NCAM2: variants seen among roughly 807,000 people sequenced by gnomAD.
NCAM2 encodes N-CAM-2.
NCAM2 carries 30 observed loss-of-function variants against 98.1 expected under a neutral mutation model. The ratio of observed to expected loss-of-function variants is 0.31; its 90% CI spans 0.23 to 0.41. NCAM2 has a LOEUF of 0.41. NCAM2 is among the 10% of genes least tolerant of loss of function. The probability of loss-of-function intolerance (pLI) is 1.00; values close to 1 mark genes in which losing one functional copy is unlikely to be tolerated. For synonymous variants in NCAM2, 368 were observed against 342.4 expected, an observed-to-expected ratio of 1.07 and a Z score of -0.83; for missense variants, 867 against 1,005.8, an observed-to-expected ratio of 0.86 and a Z score of 1.87.
intron 1 of NCAM2, among the ~76,000 whole-genome samples, chr21:21,106,529 C>T (rs2066353307): frequency 6.6e-6 from 1 of 151,664 alleles, no homozygotes; most frequent in African/African-American, 2.4e-5. Flanking sequence ...AGAAATATTA[C>T]AAAGTTAATT....
chr21:21,248,665 T>A (rs1601760058), intron 1 of NCAM2, among the ~76,000 whole-genome samples: 1 of 151,268 alleles, frequency 6.6e-6, no homozygotes, highest in Non-Finnish European at 1.5e-5. Flanking sequence ...TAGTCCCAGC[T>A]ACTAGTGAGG....
At chr21:21,228,963 A>G (rs769606165) in intron 1 of NCAM2, among the ~76,000 whole-genome samples, 1 of 151,450 alleles carries the variant, frequency 6.6e-6, no homozygotes, top group Non-Finnish European at 1.5e-5. Context: ...TAATTTCTAA[A>G]TTATATCTAG....
intron 8 of NCAM2, among the ~76,000 whole-genome samples, chr21:21,360,844 C>T (rs368533907): frequency 1.3e-5 from 2 of 152,062 alleles, no homozygotes; most frequent in African/African-American, 2.4e-5. Context: ...CAGAACATAA[C>T]GTAAATTCTT....
rs1319901446 is a variant in NCAM2 at position 21,104,659 on chromosome 21, A to AAATAG, written c.55+106044_55+106048dup. ...CAAGAATGAGCTTGGAATATGCAAGAAATAGAAAGAAGGGCCTGTCGGTGG... is the reference window on the plus strand; with the variant it reads ...CAAGAATGAGCTTGGAATATGCAAGAAATAGAATAGAAAGAAGGGCCTGTCGGTGG... On this transcript the variant is annotated intron_variant, in intron 1 of 17. Transcript: ENST00000400546. Among the ~76,000 whole-genome samples the AAATAG allele has an allele frequency of 2.0e-5, 3 of 152,248 alleles. No homozygotes were observed. In the East Asian group the frequency reaches 5.8e-4, roughly 29 times the overall value.
intron 1 of NCAM2, among the ~76,000 whole-genome samples, chr21:21,164,376 G>T (rs1289302697): frequency 6.6e-6 from 1 of 152,134 alleles, no homozygotes; most frequent in East Asian, 1.9e-4. Flanking sequence ...GATTTGCAAA[G>T]AAGTTGAAAA....
intron 5 of NCAM2, among the ~76,000 whole-genome samples, chr21:21,294,075 G>A (rs540568814): frequency 4.9e-4 from 74 of 151,536 alleles, no homozygotes; most frequent in Non-Finnish European, 9.1e-4. Context: ...ACTTTAATAT[G>A]TGGTTGGTGC....
chr21:21,359,630 A>T (rs971257126), intron 8 of NCAM2, among the ~76,000 whole-genome samples: 11 of 151,920 alleles, frequency 7.2e-5, no homozygotes, highest in Non-Finnish European at 1.0e-4. Context: ...TGTTTGGGGG[A>T]AAATGTTATT....
chr21:21,428,131 A>G (rs978051862), intron 11 of NCAM2, among the ~76,000 whole-genome samples: 1 of 152,240 alleles, frequency 6.6e-6, no homozygotes, highest in Non-Finnish European at 1.5e-5. Flanking sequence ...GTGAAGAGAA[A>G]GGGTAATTAA....
intron 1 of NCAM2, among the ~76,000 whole-genome samples, chr21:21,143,025 T>C (rs2067201743): frequency 6.6e-6 from 1 of 152,208 alleles, no homozygotes; most frequent in Non-Finnish European, 1.5e-5. Context: ...ATTTTTGCCG[T>C]TGTCCATTTT....
intron 12 of NCAM2, among the ~76,000 whole-genome samples, chr21:21,454,287 G>A (rs1181520643): frequency 6.6e-6 from 1 of 152,088 alleles, no homozygotes; most frequent in Non-Finnish European, 1.5e-5. Context: ...TATATGGAGT[G>A]TGTATGTTTG....
intron 16 of NCAM2, among the ~76,000 whole-genome samples, chr21:21,514,915 T>G (rs1257396529): frequency 6.6e-6 from 1 of 152,196 alleles, no homozygotes; most frequent in Non-Finnish European, 1.5e-5. Flanking sequence ...CATGGTTGTT[T>G]TCTAACTGAT....
chr21:21,491,011 A>AGC (rs924608025), intron 15 of NCAM2, among the ~76,000 whole-genome samples: 3 of 151,886 alleles, frequency 2.0e-5, no homozygotes, highest in Admixed American at 2.0e-4. Context: ...TTACTGGTAC[A>AGC]GCCTTTTTTG....
intron 5 of NCAM2, among the ~76,000 whole-genome samples, chr21:21,303,424 A>G (rs2073784623): frequency 6.6e-6 from 1 of 151,878 alleles, no homozygotes; most frequent in Non-Finnish European, 1.5e-5. Context: ...TTATTTTGAG[A>G]TTCATTTATG....
chr21:21,500,288 G>A (rs1444098786), intron 15 of NCAM2, among the ~76,000 whole-genome samples: 1 of 151,862 alleles, frequency 6.6e-6, no homozygotes, highest in African/African-American at 2.4e-5. Flanking sequence ...CTAAACATTG[G>A]AAACCTCAAA....
At chr21:21,331,517 C>CTCTCTCTCTCTATATATATA (rs1483062198) in intron 6 of NCAM2, among the ~76,000 whole-genome samples, 79 of 6,938 alleles carry the variant, frequency 0.011, 8 homozygotes, top group African/African-American at 0.041. Flanking sequence ...CTCTCTCTCT[C>CTCTCTCTCTCTATATATATA]TATATATATA....
intron 1 of NCAM2, among the ~76,000 whole-genome samples, chr21:21,205,984 A>T (rs113912780): frequency 6.6e-6 from 1 of 152,164 alleles, no homozygotes; most frequent in African/African-American, 2.4e-5. Flanking sequence ...TGAAACTATT[A>T]CATTGGTGAT....
At chr21:21,005,809 C>G (rs376952692) in intron 1 of NCAM2, among the ~76,000 whole-genome samples, 4 of 149,934 alleles carry the variant, frequency 2.7e-5, no homozygotes, top group African/African-American at 7.3e-5. Flanking sequence ...AACGCCCCCC[C>G]CAAAAAAAAA....
At chr21:21,531,956 G>A (rs1053226401) in intron 16 of NCAM2, among the ~76,000 whole-genome samples, 1 of 150,946 alleles carries the variant, frequency 6.6e-6, no homozygotes, top group Non-Finnish European at 1.5e-5. Flanking sequence ...TCACGCCACT[G>A]CACACCAGCC....
At chr21:21,536,593 T>C (rs1413734189) in intron 17 of NCAM2, among the ~76,000 whole-genome samples, 1 of 152,114 alleles carries the variant, frequency 6.6e-6, no homozygotes, top group Non-Finnish European at 1.5e-5. Flanking sequence ...TTTCTCCATG[T>C]TGGTCAGGCC....
Sources: gnomAD v4.1 joint callset for allele counts (sites outside exome capture counted in the v4.1 genomes callset) on GRCh38, gnomAD v4.1.1 for gene constraint, MANE v1.5 for transcripts, NCBI Gene and HGNC (gene_info 2026-07-23, HGNC 2026-07-21) for gene names.